FOXO4: variants seen among roughly 807,000 people sequenced by gnomAD.
The protein encoded by FOXO4 is forkhead box protein O4.
FOXO4 carries 3 observed loss-of-function variants against 20.8 expected under a neutral mutation model. The observed-to-expected ratio is 0.14, with a 90% confidence interval of 0.07 to 0.37. The LOEUF is 0.37. FOXO4 is among the 10% of genes least tolerant of loss of function. The pLI, the probability that FOXO4 is intolerant of heterozygous loss-of-function variation, is 1.00. For synonymous variants in FOXO4, 158 were observed against 180.0 expected (o/e 0.88, Z 0.98); for missense variants, 309 against 431.9 (o/e 0.72, Z 2.52).
At chrX:71,100,341 G>A (rs1298113386) in intron 1 of FOXO4, among the ~76,000 whole-genome samples, 2 of 110,360 alleles carry the variant, frequency 1.8e-5, no homozygotes, top group Non-Finnish European at 3.8e-5. Context: ...TTGTCTGGGA[G>A]CGGGAAATGT....
Position 71,103,053 on chromosome X carries a change from G to C in FOXO4, c.*969G>C. On this transcript the variant is annotated 3_prime_UTR_variant, in exon 3 of 3. Transcript: ENST00000374259. ...AAGGCCTGGAATTAGCTTGGGGCCA[G>C]GGAAGGGACTGGGAGGGGAGAGAAG... is the stretch of plus-strand genomic sequence containing the variant. The C allele has an allele frequency of 5.7e-6, 1 of 176,133 alleles. No individual in the cohort carries two copies. The highest frequency in any genetic ancestry group is 1.1e-5 in the Non-Finnish European group (1 of 90,968). The allele number at this position is 176,133 out of a possible 1,213,427, so 14.5% of individuals were successfully genotyped here. A position where few individuals can be genotyped will look rare whatever the true frequency, so the allele number is the denominator to read the frequency against.
intron 1 of FOXO4, 59 bp from the exon 2 acceptor site, chrX:71,100,625 G>A: frequency 1.1e-6 from 1 of 949,748 alleles, no homozygotes. Context: ...CTTGACCGCT[G>A]GCCACTGACC....
At position 71,103,509 on chromosome X, in the gene FOXO4, A is replaced by C. The variant is rs1188637559; in HGVS notation, c.*1425A>C. ...AAGTGTGTCAAATCAATAAATGAAT[A>C]AATTCAATAAATGCCTATAACCAGC... On this transcript the variant is annotated 3_prime_UTR_variant, in exon 3 of 3. Transcript: ENST00000374259. The C allele has an allele frequency of 6.4e-6, 1 of 155,784 alleles. No individual in the cohort carries two copies. The highest frequency in any genetic ancestry group is 1.3e-5 in the Non-Finnish European group (1 of 79,496). The allele number at this position is 155,784 out of a possible 1,213,427, so 12.8% of individuals were successfully genotyped here.
At chrX:71,100,621 C>T (rs1037355034) in intron 1 of FOXO4, 63 bp from the exon 2 acceptor site, 14 of 913,565 alleles carry the variant, frequency 1.5e-5, no homozygotes, top group African/African-American at 6.1e-5. Flanking sequence ...TAGACTTGAC[C>T]GCTGGCCACT....
intron 1 of FOXO4, among the ~76,000 whole-genome samples, chrX:71,097,877 A>C (rs758508563): frequency 3.6e-5 from 4 of 111,562 alleles, no homozygotes; most frequent in Non-Finnish European, 7.5e-5. Context: ...GTCAGCATAT[A>C]ACCAAGTACA....
rs1485839848 is a variant in FOXO4 at position 71,101,272 on chromosome X, C to G, written c.1042C>G (p.Pro348Ala). Residue 348 changes from proline to alanine, a missense_variant, in exon 2 of 3, where the codon CCA becomes GCA. By Grantham distance (27) the Pro-to-Ala change is conservative. This residue lies in a region of FOXO4 where 223 missense variants were observed against 302.7 expected (regional missense o/e 0.74). Coordinates refer to ENST00000374259, the MANE Select transcript of FOXO4 (RefSeq NM_005938.4). ...LHTYSSSLFS[P>A]AEGPLSAGEG... is the part of the protein sequence containing the mutation. The stretch of plus-strand genomic sequence containing the variant: ...CACCTACAGCAGCTCCCTTTTCAGC[C>G]CAGCAGAGGGGCCCCTGTCAGCAGG... 1.7e-6 allele frequency: 2 copies of G among 1,211,490 alleles called. No homozygotes were observed. Among genetic ancestry groups the G allele is most frequent in the East Asian group, 5.9e-5 (2 of 33,831 alleles).
In FOXO4 at chrX:71,096,777, A is replaced by G; in HGVS notation, c.249A>G (p.Gly83=). 8.3e-7 allele frequency: 1 copy of G among 1,199,352 alleles called. No individual in the cohort carries two copies. Among genetic ancestry groups the G allele is most frequent in the Non-Finnish European group, 1.1e-6 (1 of 888,898 alleles). ...LPEPAGGPQP[G]ILGAVTGPRK... ...AGCCGGCCGGGGGCCCCCAGCCCGGAATCCTGGGGGCTGTAACAGGTCCTC... is the reference window on the plus strand; with the variant it reads ...AGCCGGCCGGGGGCCCCCAGCCCGGGATCCTGGGGGCTGTAACAGGTCCTC... The change falls in exon 1 of 3, where the codon GGA becomes GGG. Residue 83 remains glycine, a synonymous_variant. Coordinates refer to ENST00000374259, the MANE Select transcript of FOXO4 (RefSeq NM_005938.4).
rs1276063585 is a variant in FOXO4 at position 71,095,943 on chromosome X, TG to T, written c.-578del. ...AAAGGGAAACCCGGGGGGCGGGGGG[TG>T]GGGGGGGTTGATAGGGGAATCGGTG... On this transcript the variant is annotated 5_prime_UTR_variant, in exon 1 of 3. The change creates a premature stop within an existing upstream ORF in the 5' untranslated region. Coordinates refer to ENST00000374259, the MANE Select transcript of FOXO4 (RefSeq NM_005938.4). Among the ~76,000 whole-genome samples, 4 of 16,032 alleles carry T rather than the reference TG, an allele frequency of 2.5e-4. No individual in the cohort carries two copies. The highest frequency in any genetic ancestry group is 8.4e-3 in the South Asian group (1 of 119). The allele number at this position is 16,032 out of a possible 115,157, so 13.9% of individuals were successfully genotyped here.
rs766625867 is a variant in FOXO4 at position 71,101,371 on chromosome X, G to A, written c.1141G>A (p.Val381Ile). 23 of 1,209,562 alleles carry A rather than the reference G, an allele frequency of 1.9e-5. No individual in the cohort carries two copies. In the Middle Eastern group the frequency reaches 9.2e-4, roughly 48 times the overall value. ...TGATACGCCACCACCCCCTGCTGAC[G>A]TCCTCATGACCCAGGTAGATCCCAT... is the stretch of plus-strand genomic sequence containing the variant. ...TSDTPPPPAD[V>I]LMTQVDPILS... Residue 381 changes from valine (V) to isoleucine (I), a missense_variant, in exon 2 of 3, where the codon GTC (valine) becomes ATC (isoleucine). Val to Ile is a conservative substitution (Grantham distance 29). Around this residue, in one of 3 missense-constraint regions of FOXO4, gnomAD observed 223 missense variants for 302.7 expected, o/e 0.74. Coordinates refer to ENST00000374259, the MANE Select transcript of FOXO4 (RefSeq NM_005938.4).
chrX:71,096,443 TC>T lies in FOXO4; in HGVS notation c.-85del. 1 of 889,795 alleles carries T rather than the reference TC, an allele frequency of 1.1e-6. No homozygotes were observed. The highest frequency in any genetic ancestry group is 1.6e-6 in the Non-Finnish European group (1 of 632,183). 73.3% of individuals were successfully genotyped at this position (889,795 alleles called of 1,213,427 possible). On this transcript the variant is annotated 5_prime_UTR_variant, in exon 1 of 3. The change creates a premature stop within an existing upstream ORF in the 5' untranslated region. Transcript: ENST00000374259. ...CTGGCAGGAATGTGCCTCCTGGCCC[TC>T]GATGCTTCCCCCCTGAGGGGAGGCA...
Position 71,100,848 on chromosome X carries a change from G to A in FOXO4, c.618G>A (p.Arg206=). The change falls in exon 2 of 3, where the codon CGG becomes CGA. Residue 206 remains arginine, a synonymous_variant. Transcript: ENST00000374259. ...ASMDSSSKLL[R]GRSKAPKKKP... is the part of the protein sequence containing the mutation. ...TGGATAGCAGCAGCAAGCTGCTCCG[G>A]GGCCGCAGTAAAGCCCCCAAGAAGA... is the stretch of plus-strand genomic sequence containing the variant. The A allele has an allele frequency of 2.0e-5, 24 of 1,210,833 alleles. No homozygotes were observed. The highest frequency in any genetic ancestry group is 2.5e-5 in the Non-Finnish European group (22 of 894,923).
Position 71,096,087 on chromosome X carries a change from T to C in FOXO4, c.-442T>C. 2.7e-5 allele frequency: 1 copy of C among 37,222 alleles called. No homozygotes were observed. The highest frequency in any genetic ancestry group is 4.6e-5 in the Non-Finnish European group (1 of 21,771). 3.1% of individuals were successfully genotyped at this position (37,222 alleles called of 1,213,427 possible). A position where few individuals can be genotyped will look rare whatever the true frequency, so the allele number is the denominator to read the frequency against. On this transcript the variant is annotated 5_prime_UTR_variant, in exon 1 of 3. Coordinates refer to ENST00000374259, the MANE Select transcript of FOXO4 (RefSeq NM_005938.4). ...GCAAGTGACGCGGGGGAGCGGGGCG[T>C]GGGGGAGGGCAGCAATCCGGGTGGA...
At position 71,103,298 on chromosome X, in the gene FOXO4, A is replaced by C. The variant is rs1180471266; in HGVS notation, c.*1214A>C. On this transcript the variant is annotated 3_prime_UTR_variant, in exon 3 of 3. Transcript: ENST00000374259. ...TGAGCAGGGATGGGGGGGGATGTGG[A>C]TCAGGTTTACTAGCACCTGCCAGGG... 6.1e-6 allele frequency: 1 copy of C among 164,217 alleles called. No homozygotes were observed. Among genetic ancestry groups the C allele is most frequent in the Non-Finnish European group, 1.2e-5 (1 of 85,751 alleles). 13.5% of individuals were successfully genotyped at this position (164,217 alleles called of 1,213,427 possible). A position where few individuals can be genotyped will look rare whatever the true frequency, so the allele number is the denominator to read the frequency against.
In FOXO4 at chrX:71,102,757, G is replaced by A. The variant is rs1486222604; in HGVS notation, c.*673G>A. On this transcript the variant is annotated 3_prime_UTR_variant, in exon 3 of 3. Transcript: ENST00000374259. ...TTCTTTCTGAAGGCTTTGTGATAGT[G>A]ACATGATACAAACACTACAGACAAT... The A allele has an allele frequency of 1.2e-5, 2 of 172,204 alleles. No individual in the cohort carries two copies. Among genetic ancestry groups the A allele is most frequent in the African/African-American group, 5.9e-5 (2 of 33,801 alleles). 14.2% of individuals were successfully genotyped at this position (172,204 alleles called of 1,213,427 possible).
chrX:71,097,018 C>A, intron 1 of FOXO4, 37 bp downstream of exon 1: 1 of 1,121,182 alleles, frequency 8.9e-7, no homozygotes, highest in Admixed American at 2.5e-5. Context: ...CCAACACCAT[C>A]TACCCCCTGG....
chrX:71,100,583 C>A (rs2092228195), intron 1 of FOXO4, 101 bp from the exon 2 acceptor site: 3 of 603,269 alleles, frequency 5.0e-6, no homozygotes, highest in Middle Eastern at 4.6e-4. Context: ...AATCCTAAAC[C>A]CTAGATCATC....
intron 1 of FOXO4, among the ~76,000 whole-genome samples, chrX:71,097,641 G>A (rs1207542836): frequency 1.8e-5 from 2 of 112,073 alleles, no homozygotes; most frequent in African/African-American, 6.5e-5. Context: ...AAGTTTTGGG[G>A]GGAAGTCATC....
chrX:71,103,219 G>A lies in FOXO4; in HGVS notation c.*1135G>A, dbSNP rs776180620. ...AGTGTGTGTGGCAGCAGGCAGCGGG[G>A]AGGGGAGGAACAGGGAAGGGGGAGC... On this transcript the variant is annotated 3_prime_UTR_variant, in exon 3 of 3. Coordinates refer to ENST00000374259, the MANE Select transcript of FOXO4 (RefSeq NM_005938.4). 3 of 172,744 alleles carry A rather than the reference G, an allele frequency of 1.7e-5. No individual in the cohort carries two copies. Among genetic ancestry groups the A allele is most frequent in the Middle Eastern group, 1.1e-3 (2 of 1,741 alleles). The allele number at this position is 172,744 out of a possible 1,213,427, so 14.2% of individuals were successfully genotyped here.
chrX:71,100,447 G>A (rs2147734126), intron 1 of FOXO4, among the ~76,000 whole-genome samples: 1 of 103,523 alleles, frequency 9.7e-6, no homozygotes, highest in Admixed American at 1.1e-4. Context: ...TACCCCTGCT[G>A]TGTTCCAGCA....
Sources: gnomAD v4.1 joint callset for allele counts (sites outside exome capture counted in the v4.1 genomes callset) on GRCh38, gnomAD v4.1.1 for gene constraint, gnomAD v4.1.1 regional missense constraint, MANE v1.5 for transcripts, NCBI Gene and HGNC (gene_info 2026-07-23, HGNC 2026-07-21) for gene names.